Variants in APOOL observed in about 807,000 individuals in gnomAD.
APOOL encodes the protein MICOS complex subunit MIC27.
Under a neutral mutation model 23.1 loss-of-function variants are expected in APOOL, and 12 were observed. The observed-to-expected ratio is 0.52, with a 90% CI of 0.33 to 0.84. APOOL has a LOEUF of 0.84. APOOL is among the 40% of genes least tolerant of loss of function. The pLI is 0.02. For missense variants in APOOL, 212 were observed against 199.6 expected (o/e 1.06, Z -0.37); for synonymous variants, 77 against 69.9 (o/e 1.10, Z -0.51).
At chrX:85,079,230 T>A (rs761145832) in intron 8 of APOOL, among the ~76,000 whole-genome samples, 1 of 111,834 alleles carries the variant, frequency 8.9e-6, no homozygotes, top group African/African-American at 3.3e-5. Flanking sequence ...TGTGGGTTTG[T>A]CATAAATAGC....
chrX:85,005,017 G>A (rs894387321), intron 1 of APOOL, among the ~76,000 whole-genome samples: 24 of 110,920 alleles, frequency 2.2e-4, no homozygotes, highest in African/African-American at 7.9e-4. Flanking sequence ...CTTTTCCCAT[G>A]CTTATCTAGT....
In APOOL at chrX:85,089,292, C is replaced by T. The variant is rs1425995303; in HGVS notation, c.*1614C>T. ...TAATTTTTTGTATTTTTGGTAGTGA[C>T]AGGGTTTCACCATGTTGTCCAGGCT... is the stretch of plus-strand genomic sequence containing the variant. On this transcript the variant is annotated 3_prime_UTR_variant, in exon 9 of 9. Transcript: ENST00000373173. 5.4e-5 allele frequency: 6 copies of T among 111,475 alleles called. No individual in the cohort carries two copies. The Admixed American group carries it at 5.7e-4, about 11-fold the overall frequency. The allele number at this position is 111,475 out of a possible 1,213,427, so 9.2% of individuals were successfully genotyped here. A position where few individuals can be genotyped will look rare whatever the true frequency, so the allele number is the denominator to read the frequency against.
At chrX:85,081,124 A>T (rs1924082495) in intron 8 of APOOL, among the ~76,000 whole-genome samples, 1 of 111,352 alleles carries the variant, frequency 9.0e-6, no homozygotes, top group Admixed American at 9.6e-5. Flanking sequence ...TGTGAATTTG[A>T]TCCTGTCGTT....
chrX:85,048,646 A>G (rs929453068), intron 2 of APOOL, among the ~76,000 whole-genome samples: 8 of 111,823 alleles, frequency 7.2e-5, no homozygotes, highest in Non-Finnish European at 1.3e-4. Flanking sequence ...AGCTACTTTT[A>G]TTGTGTAAAG....
At chrX:85,063,957 C>T (rs1225828593) in intron 5 of APOOL, among the ~76,000 whole-genome samples, 1 of 111,073 alleles carries the variant, frequency 9.0e-6, no homozygotes, top group Non-Finnish European at 1.9e-5. Flanking sequence ...ATGGTACCAG[C>T]TCCTCTTTCT....
chrX:85,086,177 T>C (rs532098156), intron 8 of APOOL, among the ~76,000 whole-genome samples: 38 of 111,435 alleles, frequency 3.4e-4, no homozygotes, highest in African/African-American at 1.1e-3. Flanking sequence ...TCAGTAACCT[T>C]TGACACAGGT....
chrX:85,047,377 T>G (rs781777025), intron 2 of APOOL, among the ~76,000 whole-genome samples: 1 of 111,674 alleles, frequency 9.0e-6, no homozygotes, highest in South Asian at 3.7e-4. Context: ...TGGTTTTTGG[T>G]GCCATGACTT....
At position 85,051,509 on chromosome X, in the gene APOOL, G is replaced by A; in HGVS notation, c.240+1G>A. ...TGGTTGTTACATTGGCTGGTGCAAG[G>A]TAAGTCAATTCTGATAGTGGTTTAA... On this transcript the variant is annotated splice_donor_variant, in intron 3 of 8. Coordinates refer to ENST00000373173, the MANE Select transcript of APOOL (RefSeq NM_198450.6). LOFTEE classifies it high-confidence loss of function. 2 of 1,211,046 alleles carry A rather than the reference G, an allele frequency of 1.7e-6. No homozygotes were observed. Among genetic ancestry groups the A allele is most frequent in the Non-Finnish European group, 2.2e-6 (2 of 895,038 alleles).
At chrX:85,008,654 T>G (rs995892498) in intron 1 of APOOL, among the ~76,000 whole-genome samples, 1 of 109,999 alleles carries the variant, frequency 9.1e-6, no homozygotes, top group African/African-American at 3.3e-5. Context: ...TTTTGGCTGT[T>G]GTGAATAATA....
chrX:85,077,078 T>TATATATATATATATACAC (rs1923881627), intron 8 of APOOL, among the ~76,000 whole-genome samples: 1 of 19,769 alleles, frequency 5.1e-5, no homozygotes. Context: ...TATATATACA[T>TATATATATATATATACAC]ATATATATAT....
intron 1 of APOOL, among the ~76,000 whole-genome samples, chrX:85,022,797 A>G (rs930899957): frequency 8.9e-6 from 1 of 111,973 alleles, no homozygotes; most frequent in Non-Finnish European, 1.9e-5. Flanking sequence ...GAAGAAGTTC[A>G]ATTGTCCTTA....
At chrX:85,057,690 T>C (rs1274952359) in intron 5 of APOOL, among the ~76,000 whole-genome samples, 1 of 107,226 alleles carries the variant, frequency 9.3e-6, no homozygotes, top group Non-Finnish European at 1.9e-5. Context: ...GAATGGATGA[T>C]ATATATATAT....
At chrX:85,022,555 C>T (rs1921703562) in intron 1 of APOOL, among the ~76,000 whole-genome samples, 1 of 111,204 alleles carries the variant, frequency 9.0e-6, no homozygotes, top group African/African-American at 3.3e-5. Flanking sequence ...ATAAAAACTT[C>T]AAGAAATTAG....
At chrX:85,085,563 T>C (rs1426547949) in intron 8 of APOOL, among the ~76,000 whole-genome samples, 1 of 112,209 alleles carries the variant, frequency 8.9e-6, no homozygotes, top group Admixed American at 9.5e-5. Flanking sequence ...AGATAAATCA[T>C]TGTATTCCAA....
intron 2 of APOOL, among the ~76,000 whole-genome samples, chrX:85,051,113 TGG>T (rs1922752828): frequency 9.0e-6 from 1 of 111,515 alleles, no homozygotes; most frequent in Admixed American, 9.6e-5. Context: ...ATACTAACTC[TGG>T]GTGTGCAAAG....
intron 1 of APOOL, among the ~76,000 whole-genome samples, chrX:85,007,464 A>C (rs1222681481): frequency 3.6e-5 from 4 of 111,746 alleles, no homozygotes; most frequent in Non-Finnish European, 7.5e-5. Context: ...CTAGTTCAAA[A>C]AGAGTAGGAG....
intron 6 of APOOL, among the ~76,000 whole-genome samples, chrX:85,072,142 A>G (rs997740705): frequency 8.9e-6 from 1 of 112,042 alleles, no homozygotes; most frequent in African/African-American, 3.2e-5. Flanking sequence ...ACTCCTATAA[A>G]TCAATGAGCA....
intron 3 of APOOL, among the ~76,000 whole-genome samples, chrX:85,051,917 A>G (rs1037601897): frequency 4.5e-5 from 5 of 112,102 alleles, no homozygotes; most frequent in African/African-American, 9.7e-5. Context: ...CCTAAAGACA[A>G]TGTTACAAGT....
chrX:85,058,644 C>A (rs180776257), intron 5 of APOOL, among the ~76,000 whole-genome samples: 1 of 111,421 alleles, frequency 9.0e-6, no homozygotes, highest in African/African-American at 3.3e-5. Context: ...TTTGAGGAAT[C>A]GCCACATTAT....
Sources: gnomAD v4.1 joint callset for allele counts (sites outside exome capture counted in the v4.1 genomes callset) on GRCh38, gnomAD v4.1.1 for gene constraint, MANE v1.5 for transcripts, NCBI Gene and HGNC (gene_info 2026-07-23, HGNC 2026-07-21) for gene names.